Variants in CAPS2 observed in about 807,000 individuals in gnomAD.
CAPS2 encodes calcyphosin-2.
In CAPS2, 98 loss-of-function variants were observed where a neutral mutation model predicts 86.5. The ratio of observed to expected loss-of-function variants is 1.13; its 90% CI spans 0.96 to 1.34. CAPS2 has a LOEUF of 1.34. Ranked by LOEUF, CAPS2 falls within the 40% of genes most tolerant of loss-of-function variation. The pLI is 0.00. For missense variants in CAPS2, 729 were observed against 686.8 expected (o/e 1.06, Z -0.69); for synonymous variants, 210 against 225.1 (o/e 0.93, Z 0.60).
chr12:75,371,814 A>C (rs1269900443), intron 1 of CAPS2, among the ~76,000 whole-genome samples: 2 of 152,234 alleles, frequency 1.3e-5, no homozygotes, highest in African/African-American at 4.8e-5. Flanking sequence ...AAATAAGGAG[A>C]AAATACTTAT....
intron 8 of CAPS2, among the ~76,000 whole-genome samples, chr12:75,300,285 G>T (rs1027537229): frequency 6.6e-5 from 10 of 151,996 alleles, no homozygotes; most frequent in Admixed American, 5.9e-4. Flanking sequence ...GGCCGGGCGC[G>T]GTGGCTCACA....
chr12:75,332,948 T>A (rs1401199062), upstream of CAPS2, among the ~76,000 whole-genome samples: 1 of 152,200 alleles, frequency 6.6e-6, no homozygotes. Flanking sequence ...TAAAGAGCAC[T>A]GCAGGCAAAA....
chr12:75,322,154 C>T (rs1452070745), intron 4 of CAPS2, among the ~76,000 whole-genome samples: 1 of 152,136 alleles, frequency 6.6e-6, no homozygotes, highest in Non-Finnish European at 1.5e-5. Context: ...TGCTGCCACT[C>T]AGTAAAGTAC....
At chr12:75,343,425 C>T (rs144392240) in intron 1 of CAPS2, among the ~76,000 whole-genome samples, 224 of 151,968 alleles carry the variant, frequency 1.5e-3, no homozygotes, top group African/African-American at 3.6e-3. Context: ...AATCACATTC[C>T]GATTTATTTG....
At chr12:75,291,848 AATAT>A in intron 12 of CAPS2, 28 bp from the exon 13 acceptor site, 1 of 1,129,388 alleles carries the variant, frequency 8.9e-7, no homozygotes, top group Non-Finnish European at 1.3e-6. Flanking sequence ...ACAGGGATGA[AATAT>A]ATATATATTC....
intron 7 of CAPS2, among the ~76,000 whole-genome samples, chr12:75,310,933 G>T (rs1484046212): frequency 6.6e-6 from 1 of 152,052 alleles, no homozygotes; most frequent in Non-Finnish European, 1.5e-5. Context: ...TAAGACCATT[G>T]CTTTTGCTCA....
intron 1 of CAPS2, among the ~76,000 whole-genome samples, chr12:75,389,786 TA>T (rs2045480898): frequency 6.6e-6 from 1 of 152,160 alleles, no homozygotes; most frequent in Non-Finnish European, 1.5e-5. Context: ...TACCAAGCAA[TA>T]GAATTTTGGC....
chr12:75,389,105 T>C (rs1248187422), intron 1 of CAPS2, among the ~76,000 whole-genome samples: 1 of 152,250 alleles, frequency 6.6e-6, no homozygotes, highest in Non-Finnish European at 1.5e-5. Flanking sequence ...AAAGGGATAA[T>C]AACTATTTCT....
chr12:75,306,067 T>G, intron 7 of CAPS2: 1 of 1,471,836 alleles, frequency 6.8e-7, no homozygotes, highest in Non-Finnish European at 9.4e-7. Flanking sequence ...GTCTAGAACG[T>G]GCTGCGCGTC....
chr12:75,347,925 T>C (rs1466079298), intron 1 of CAPS2, among the ~76,000 whole-genome samples: 1 of 152,078 alleles, frequency 6.6e-6, no homozygotes, highest in Non-Finnish European at 1.5e-5. Context: ...TATTATAAGA[T>C]ATTTAAACTT....
intron 1 of CAPS2, among the ~76,000 whole-genome samples, chr12:75,386,532 T>A (rs917231223): frequency 2.0e-5 from 3 of 152,178 alleles, no homozygotes; most frequent in Admixed American, 2.0e-4. Flanking sequence ...AATCCTGTGA[T>A]AATGGCATTA....
intron 8 of CAPS2, among the ~76,000 whole-genome samples, chr12:75,304,248 T>A (rs1254023900): frequency 6.6e-6 from 1 of 152,184 alleles, no homozygotes. Flanking sequence ...AAAAAGCTAC[T>A]GTGGGTACTG....
At chr12:75,319,500 A>G (rs1224399776) in intron 5 of CAPS2, among the ~76,000 whole-genome samples, 1 of 152,158 alleles carries the variant, frequency 6.6e-6, no homozygotes, top group African/African-American at 2.4e-5. Context: ...GCCCTTAGCA[A>G]GTGCCTAATC....
At chr12:75,333,354 CTT>C (rs2041475015), upstream of CAPS2, among the ~76,000 whole-genome samples, 1 of 151,746 alleles carries the variant, frequency 6.6e-6, no homozygotes, top group African/African-American at 2.4e-5. Context: ...CTATAGATAT[CTT>C]TATATCCAGG....
At chr12:75,277,438 T>C (rs2033127545) in exon 17 of CAPS2, 7 of 944,752 alleles carry the variant, frequency 7.4e-6, no homozygotes, top group Non-Finnish European at 8.8e-6. Flanking sequence ...GAAAAAGATA[T>C]GTGACAAAAA....
intron 1 of CAPS2, chr12:75,370,101 G>A: frequency 6.2e-7 from 1 of 1,604,746 alleles, no homozygotes; most frequent in South Asian, 1.1e-5. Flanking sequence ...CATTTCTGAA[G>A]CCAACGGGGA....
chr12:75,343,863 G>A (rs139384889), intron 1 of CAPS2: 34 of 1,612,664 alleles, frequency 2.1e-5, no homozygotes, highest in Non-Finnish European at 2.7e-5. Flanking sequence ...ATGCCATTAC[G>A]GCTTGGTATA....
At chr12:75,334,973 G>A (rs979146349), upstream of CAPS2, 1 of 1,421,326 alleles carries the variant, frequency 7.0e-7, no homozygotes, top group Non-Finnish European at 9.7e-7. Flanking sequence ...TAAATTTCAC[G>A]GACTTAACTT....
At chr12:75,279,232 C>T (rs182644440) in intron 16 of CAPS2, among the ~76,000 whole-genome samples, 167 bp from the exon 17 acceptor site, 1 of 152,006 alleles carries the variant, frequency 6.6e-6, no homozygotes, top group Non-Finnish European at 1.5e-5. Flanking sequence ...TATTTCATCT[C>T]ATTCGATTTG....
Sources: allele counts gnomAD v4.1 joint callset (sites outside exome capture counted in the v4.1 genomes callset), GRCh38; gene constraint gnomAD v4.1.1; transcripts MANE v1.5; gene names NCBI Gene and HGNC (gene_info 2026-07-23, HGNC 2026-07-21).